Variants in TET3 observed in about 807,000 individuals in gnomAD.
TET3 encodes methylcytosine dioxygenase TET3.
TET3 carries 19 observed loss-of-function variants against 141.4 expected under a neutral mutation model. The ratio of observed to expected loss-of-function variants is 0.13; its 90% CI spans 0.09 to 0.20. TET3 has a LOEUF of 0.20. TET3 is among the 10% of genes least tolerant of loss of function. The pLI is 1.00. For missense variants in TET3, 1,874 were observed against 2,356.9 expected (o/e 0.80, Z 4.24); for synonymous variants, 1,043 against 980.9 (o/e 1.06, Z -1.18).
At chr2:74,092,762 A>T in intron 8 of TET3, 140 bp from the exon 9 acceptor site, 1 of 718,274 alleles carries the variant, frequency 1.4e-6, no homozygotes, top group Non-Finnish European at 2.4e-6. Flanking sequence ...AGCCCTCCTG[A>T]AGGAAAGGCC....
intron 8 of TET3, 28 bp downstream of exon 8, chr2:74,090,075 C>G (rs1299144031): frequency 6.2e-7 from 1 of 1,609,434 alleles, no homozygotes; most frequent in African/African-American, 1.3e-5. Context: ...GGGACCCTGC[C>G]TCCCATCCTT....
chr2:74,113,004 C>G (rs1691739173), downstream of TET3, among the ~76,000 whole-genome samples: 1 of 42,918 alleles, frequency 2.3e-5, no homozygotes, highest in South Asian at 9.8e-4. Flanking sequence ...GAGACTCCGT[C>G]TCAAAAAAAA....
intron 2 of TET3, among the ~76,000 whole-genome samples, chr2:73,989,751 C>G (rs1684233771): frequency 6.6e-6 from 1 of 152,054 alleles, no homozygotes; most frequent in Non-Finnish European, 1.5e-5. Flanking sequence ...ATTTCATATT[C>G]TTTTTACCTG....
intron 6 of TET3, among the ~76,000 whole-genome samples, chr2:74,086,473 C>T (rs1690166145): frequency 6.6e-6 from 1 of 151,972 alleles, no homozygotes; most frequent in Non-Finnish European, 1.5e-5. Flanking sequence ...TGGTGTAGTA[C>T]ATTTTTAAAA....
the TET3 span, among the ~76,000 whole-genome samples, chr2:74,132,287 G>T: frequency 6.6e-6 from 1 of 152,186 alleles, no homozygotes; most frequent in East Asian, 1.9e-4. Context: ...CCCTTCCTGG[G>T]AACTCCAAAA....
chr2:74,023,763 T>G (rs1215190907), intron 3 of TET3, among the ~76,000 whole-genome samples: 1 of 152,266 alleles, frequency 6.6e-6, no homozygotes, highest in Admixed American at 6.5e-5. Context: ...TCAAAGTTTT[T>G]AGTAAAGCAT....
chr2:73,999,293 G>A (rs1684735052), intron 2 of TET3, among the ~76,000 whole-genome samples: 1 of 152,172 alleles, frequency 6.6e-6, no homozygotes, highest in African/African-American at 2.4e-5. Context: ...GTGTGACCTT[G>A]GGCAAGATAC....
chr2:74,100,652 C>T lies in TET3; in HGVS notation c.3864C>T (p.Gly1288=). Reference sequence around the variant, plus strand: ...CTCTCCCGTCTTTTAGCTACTATGGCTTTCCATCCAGCAACCCCGTCTTCC... The same window carrying T: ...CTCTCCCGTCTTTTAGCTACTATGGTTTTCCATCCAGCAACCCCGTCTTCC... ...KYALPSFSYY[G]FPSSNPVFPS... is the part of the protein sequence containing the mutation. Residue 1288 remains glycine (G), a synonymous_variant, in exon 12 of 12, where the codon GGC becomes GGT. Transcript: ENST00000409262. The T allele has an allele frequency of 1.2e-6, 2 of 1,614,060 alleles. No individual in the cohort carries two copies. The highest frequency in any genetic ancestry group is 1.7e-5 in the Admixed American group (1 of 60,032).
In TET3 at chr2:74,087,894, A is replaced by G. The variant is rs1463364482; in HGVS notation, c.2744A>G (p.His915Arg). 7.7e-6 allele frequency: 12 copies of G among 1,551,718 alleles called. No individual in the cohort carries two copies. In the East Asian group the frequency reaches 2.9e-4, roughly 38 times the overall value. ...CTGGTGCGGCACCGGGCAGGCCACC[A>G]CTGCCAGAACGCTGTGATCGTCATC... is the stretch of plus-strand genomic sequence containing the variant. ...LCLVRHRAGH[H>R]CQNAVIVILI... Residue 915 changes from histidine to arginine, a missense_variant, in exon 7 of 12, where the codon CAC becomes CGC. This residue lies in a region of TET3 where 126 missense variants were observed against 327.4 expected (regional missense o/e 0.38). Coordinates refer to ENST00000409262, the MANE Select transcript of TET3 (RefSeq NM_001287491.2). This position sits in a 1 kb window ranked among gnomAD's most constrained non-coding sequence, Gnocchi z 4.3.
intron 2 of TET3, among the ~76,000 whole-genome samples, chr2:73,992,620 G>T (rs748177900): frequency 6.6e-6 from 1 of 151,584 alleles, no homozygotes; most frequent in Non-Finnish European, 1.5e-5. Context: ...GGCCCTTGTT[G>T]TTTTTTTAAA....
At chr2:74,071,662 C>G (rs1689209016) in intron 4 of TET3, among the ~76,000 whole-genome samples, 1 of 152,172 alleles carries the variant, frequency 6.6e-6, no homozygotes, top group Non-Finnish European at 1.5e-5. Context: ...CACCAATGGT[C>G]CTTTTTCAGT....
chr2:74,131,160 C>A, the TET3 span, among the ~76,000 whole-genome samples: 1 of 152,090 alleles, frequency 6.6e-6, no homozygotes, highest in South Asian at 2.1e-4. Context: ...TGTAATTATT[C>A]CAGGTGGTTC....
Position 74,101,067 on chromosome 2 carries a change from C to A in TET3, c.4279C>A (p.Gln1427Lys). ...CAAGACACCTCTGTCCGAGGTGTCTCAGAATGGAGGACCCAGTCACCTTTG... is the reference window on the plus strand; with the variant it reads ...CAAGACACCTCTGTCCGAGGTGTCTAAGAATGGAGGACCCAGTCACCTTTG... Reference protein sequence around the residue: ...MGKTPLSEVSQNGGPSHLWGQ... With the variant: ...MGKTPLSEVSKNGGPSHLWGQ... The change falls in exon 12 of 12, where the codon CAG becomes AAG. Residue 1427 changes from glutamine to lysine, a missense_variant. Gln to Lys is a moderately conservative substitution (Grantham distance 53, BLOSUM62 1). Transcript: ENST00000409262. The surrounding 1 kb of genome is among the most constrained non-coding windows in gnomAD (Gnocchi z 8.5). 6.2e-7 allele frequency: 1 copy of A among 1,612,578 alleles called. No individual in the cohort carries two copies. The highest frequency in any genetic ancestry group is 2.2e-5 in the East Asian group (1 of 44,848).
chr2:74,016,375 G>A (rs529529344), intron 3 of TET3, among the ~76,000 whole-genome samples: 7 of 152,084 alleles, frequency 4.6e-5, no homozygotes, highest in Non-Finnish European at 1.0e-4. Context: ...GTTAGGTAGG[G>A]ATAAAGAAAA....
chr2:74,006,628 T>C (rs1020993611), intron 3 of TET3, among the ~76,000 whole-genome samples: 1 of 152,186 alleles, frequency 6.6e-6, no homozygotes, highest in Non-Finnish European at 1.5e-5. Context: ...TTTGTGGTCT[T>C]GCCAAGTCCC....
intron 4 of TET3, among the ~76,000 whole-genome samples, chr2:74,065,612 G>GTCCA (rs1416023747): frequency 5.2e-5 from 7 of 133,450 alleles, no homozygotes; most frequent in East Asian, 4.1e-4. Flanking sequence ...CCGTCCGTCC[G>GTCCA]TCCGTCCGTC....
chr2:74,087,842 C>T lies in TET3; in HGVS notation c.2692C>T (p.His898Tyr). 4 of 1,549,898 alleles carry T rather than the reference C, an allele frequency of 2.6e-6. No homozygotes were observed. Among genetic ancestry groups the T allele is most frequent in the Non-Finnish European group, 3.5e-6 (4 of 1,145,752 alleles). ...CPIAKWVIRR[H>Y]TLEEKLLCLV... is the part of the protein sequence containing the mutation. ...TGCGTCCCTGCAGGTGATCCGCAGGCACACGCTGGAGGAGAAGCTACTCTG... is the reference window on the plus strand; with the variant it reads ...TGCGTCCCTGCAGGTGATCCGCAGGTACACGCTGGAGGAGAAGCTACTCTG... The change falls in exon 7 of 12, where the codon CAC becomes TAC. Residue 898 changes from histidine to tyrosine, a missense_variant. Transcript: ENST00000409262. The surrounding 1 kb of genome is among the most constrained non-coding windows in gnomAD (Gnocchi z 4.3).
chr2:74,008,202 C>T (rs925410891), intron 3 of TET3, among the ~76,000 whole-genome samples: 3 of 152,278 alleles, frequency 2.0e-5, no homozygotes, highest in Non-Finnish European at 2.9e-5. Flanking sequence ...ACAAAGCCTC[C>T]GCTTGAAAGA....
the TET3 span, among the ~76,000 whole-genome samples, chr2:74,129,354 C>G: frequency 6.9e-6 from 1 of 144,284 alleles, no homozygotes; most frequent in South Asian, 2.2e-4. Context: ...AAAACCCGGC[C>G]GGGCACAGTG....
Sources: gnomAD v4.1 joint callset for allele counts (sites outside exome capture counted in the v4.1 genomes callset) on GRCh38, gnomAD v4.1.1 for gene constraint, gnomAD v4.1.1 regional missense constraint, Gnocchi (gnomAD v3.1) non-coding constraint, MANE v1.5 for transcripts, NCBI Gene and HGNC (gene_info 2026-07-23, HGNC 2026-07-21) for gene names.